Variants in MAD1L1 observed in about 807,000 individuals in gnomAD.
MAD1L1 encodes the protein mitotic spindle assembly checkpoint protein MAD1.
A neutral mutation model predicts 96.9 loss-of-function variants in MAD1L1; 95 were observed. The observed-to-expected ratio is 0.98, with a 90% confidence interval of 0.83 to 1.16. The LOEUF (loss-of-function observed/expected upper bound fraction) is 1.16. Among genes scored for constraint, MAD1L1 ranks in the 50% most tolerant of loss-of-function variants. The probability of loss-of-function intolerance (pLI) is 0.00; values close to 1 mark genes in which losing one functional copy is unlikely to be tolerated. For missense variants in MAD1L1, 1,007 were observed against 954.4 expected (o/e 1.06, Z -0.73); for synonymous variants, 473 against 396.6 (o/e 1.19, Z -2.29).
intron 10 of MAD1L1, among the ~76,000 whole-genome samples, chr7:2,173,384 G>T (rs1790801350): frequency 6.6e-6 from 1 of 152,188 alleles, no homozygotes; most frequent in Admixed American, 6.5e-5. Flanking sequence ...GCTGAGCACA[G>T]CTGGGTGCTC....
chr7:2,167,582 T>A lies in MAD1L1; in HGVS notation c.987-18344A>T, dbSNP rs1356691870. On this transcript the variant is annotated intron_variant, in intron 10 of 18. Transcript: ENST00000265854. ...ATAATAATAATAATAATAATTAAAA[T>A]TAGCCGTGCATGGTGGTGGGCACCT... Among the ~76,000 whole-genome samples, 3 of 151,494 alleles carry A rather than the reference T, an allele frequency of 2.0e-5. No individual in the cohort carries two copies. The South Asian group carries it at 6.3e-4, about 32-fold the overall frequency.
intron 18 of MAD1L1, among the ~76,000 whole-genome samples, chr7:1,851,755 C>T (rs1324710803): frequency 3.9e-5 from 6 of 152,150 alleles, no homozygotes; most frequent in Non-Finnish European, 5.9e-5. Context: ...TACAGTGTCG[C>T]GAAACCTGTT....
At chr7:2,140,488 C>T (rs760586739) in intron 11 of MAD1L1, among the ~76,000 whole-genome samples, 8 of 152,220 alleles carry the variant, frequency 5.3e-5, no homozygotes, top group Non-Finnish European at 8.8e-5. Context: ...GCAGGGACGC[C>T]GAGTGACCAG....
chr7:2,055,361 C>A (rs533551897), intron 12 of MAD1L1, among the ~76,000 whole-genome samples: 8 of 152,216 alleles, frequency 5.3e-5, no homozygotes, highest in African/African-American at 1.9e-4. Flanking sequence ...TGGCCCGCAT[C>A]GTAGGGCACG....
chr7:2,095,401 A>T (rs1786435306), intron 11 of MAD1L1, among the ~76,000 whole-genome samples: 1 of 151,172 alleles, frequency 6.6e-6, no homozygotes, highest in Non-Finnish European at 1.5e-5. Context: ...AAAAGAAAAG[A>T]AAAAGCCAAG....
intron 12 of MAD1L1, among the ~76,000 whole-genome samples, chr7:2,040,511 C>T (rs1049181053): frequency 6.6e-6 from 1 of 152,254 alleles, no homozygotes; most frequent in Non-Finnish European, 1.5e-5. Flanking sequence ...TCTGAGTTCA[C>T]GAACGCGCTC....
At chr7:2,151,158 C>T (rs568883468) in intron 10 of MAD1L1, among the ~76,000 whole-genome samples, 2 of 152,324 alleles carry the variant, frequency 1.3e-5, no homozygotes, top group East Asian at 3.9e-4. Context: ...GATATTTTTT[C>T]TGAAACATTT....
At chr7:2,182,669 G>A (rs888185361) in intron 10 of MAD1L1, among the ~76,000 whole-genome samples, 3 of 152,138 alleles carry the variant, frequency 2.0e-5, no homozygotes, top group African/African-American at 4.8e-5. Context: ...CAGGGTAGAC[G>A]CCCCTTGAGA....
chr7:2,205,139 T>C (rs183659772), intron 10 of MAD1L1, among the ~76,000 whole-genome samples: 1 of 141,188 alleles, frequency 7.1e-6, no homozygotes, highest in Admixed American at 7.8e-5. Flanking sequence ...AAGATAACTA[T>C]GAGAGGAATG....
chr7:1,898,544 A>G (rs991831431), intron 17 of MAD1L1, among the ~76,000 whole-genome samples, 154 bp from the exon 18 acceptor site: 7 of 152,168 alleles, frequency 4.6e-5, no homozygotes, highest in African/African-American at 1.7e-4. Context: ...GCCAGCCTCC[A>G]TCGGCATGCA....
At chr7:1,926,868 G>C (rs1789120095) in intron 17 of MAD1L1, among the ~76,000 whole-genome samples, 1 of 152,182 alleles carries the variant, frequency 6.6e-6, no homozygotes, top group South Asian at 2.1e-4. Flanking sequence ...ACCATACTAA[G>C]GTCCTAGACA....
chr7:1,917,833 G>A (rs886656932), intron 17 of MAD1L1, among the ~76,000 whole-genome samples: 5 of 152,170 alleles, frequency 3.3e-5, no homozygotes, highest in East Asian at 1.9e-4. Context: ...CCACCTGGCT[G>A]TGCCAGGAAC....
intron 10 of MAD1L1, among the ~76,000 whole-genome samples, chr7:2,183,345 T>A (rs1034987851): frequency 1.3e-5 from 2 of 152,032 alleles, no homozygotes; most frequent in Non-Finnish European, 1.5e-5. Context: ...GATGAAAAAC[T>A]TGTATCCAGA....
intron 10 of MAD1L1, among the ~76,000 whole-genome samples, chr7:2,181,015 G>T (rs145098775): frequency 6.6e-6 from 1 of 152,160 alleles, no homozygotes; most frequent in Non-Finnish European, 1.5e-5. Context: ...GAATCCTGAC[G>T]GACCTATCTT....
intron 17 of MAD1L1, 87 bp from the exon 18 acceptor site, chr7:1,898,477 G>A (rs967155285): frequency 9.4e-6 from 11 of 1,174,754 alleles, no homozygotes; most frequent in East Asian, 4.9e-5. Context: ...GGAGGAAGCC[G>A]AGTACAGGTG....
intron 11 of MAD1L1, among the ~76,000 whole-genome samples, chr7:2,108,314 T>C (rs150944444): frequency 6.5e-4 from 99 of 152,304 alleles, no homozygotes; most frequent in African/African-American, 2.3e-3. Context: ...GCTCCGACGG[T>C]TTTGGTTTAA....
At chr7:2,187,228 G>A (rs910779582) in intron 10 of MAD1L1, among the ~76,000 whole-genome samples, 2 of 151,958 alleles carry the variant, frequency 1.3e-5, no homozygotes. Context: ...GTACACCTGT[G>A]GTCCCAGCTA....
chr7:2,120,092 G>A (rs1030695550), intron 11 of MAD1L1, among the ~76,000 whole-genome samples: 1 of 152,168 alleles, frequency 6.6e-6, no homozygotes, highest in Non-Finnish European at 1.5e-5. Flanking sequence ...CAAATGAAGT[G>A]GAGCCTCCTG....
chr7:2,046,001 T>G (rs1478156845), intron 12 of MAD1L1, among the ~76,000 whole-genome samples: 1 of 152,122 alleles, frequency 6.6e-6, no homozygotes, highest in Non-Finnish European at 1.5e-5. Context: ...GAGGCGGCAG[T>G]GGAGGCCCTG....
Sources: allele counts gnomAD v4.1 joint callset (sites outside exome capture counted in the v4.1 genomes callset), GRCh38; gene constraint gnomAD v4.1.1; transcripts MANE v1.5; gene names NCBI Gene and HGNC (gene_info 2026-07-23, HGNC 2026-07-21).